TMEM196: variants seen among roughly 807,000 people sequenced by gnomAD.
TMEM196 encodes transmembrane protein 196.
TMEM196 carries 17 observed loss-of-function variants against 20.0 expected under a neutral mutation model. The observed-to-expected ratio is 0.85, with a 90% confidence interval of 0.58 to 1.27. The LOEUF (loss-of-function observed/expected upper bound fraction) is 1.27, where lower values mean the gene tolerates loss of function less well. Among genes scored for constraint, TMEM196 ranks in the 50% most tolerant of loss-of-function variants. The pLI, the probability that TMEM196 is intolerant of heterozygous loss-of-function variation, is 0.00. For synonymous variants in TMEM196, 113 were observed against 88.9 expected (o/e 1.27, Z -1.52); for missense variants, 267 against 223.0 (o/e 1.20, Z -1.26).
chr7:19,767,826 A>G (rs1187537786), intron 1 of TMEM196, among the ~76,000 whole-genome samples: 1 of 151,962 alleles, frequency 6.6e-6, no homozygotes, highest in East Asian at 1.9e-4. Flanking sequence ...AATTGTGTAC[A>G]TTTGCAGTAA....
chr7:19,741,298 T>C (rs1452649990), intron 1 of TMEM196, among the ~76,000 whole-genome samples: 3 of 152,176 alleles, frequency 2.0e-5, no homozygotes, highest in Non-Finnish European at 2.9e-5. Context: ...ATAGCCTCTC[T>C]GACAAAGCTG....
rs1189118893 is a variant in TMEM196, at chr7:19,719,799, T to C, written c.*2329A>G. On this transcript the variant is annotated 3_prime_UTR_variant, in exon 5 of 5. Coordinates refer to ENST00000405844, the MANE Select transcript of TMEM196 (RefSeq NM_001363562.2). ...AGAAATAATCATATTTAAAAATATATCTATACTTGGTTAAACATACACTGT... is the reference window on the plus strand; with the variant it reads ...AGAAATAATCATATTTAAAAATATACCTATACTTGGTTAAACATACACTGT... 1 of 152,138 alleles carries C rather than the reference T, an allele frequency of 6.6e-6. No homozygotes were observed. Among genetic ancestry groups the C allele is most frequent in the Admixed American group, 6.5e-5 (1 of 15,272 alleles). The allele number at this position is 152,138 out of a possible 1,614,324, so 9.4% of individuals were successfully genotyped here. A position where few individuals can be genotyped will look rare whatever the true frequency, so the allele number is the denominator to read the frequency against.
At chr7:19,743,142 A>C (rs1235766605) in intron 1 of TMEM196, among the ~76,000 whole-genome samples, 1 of 152,108 alleles carries the variant, frequency 6.6e-6, no homozygotes, top group Non-Finnish European at 1.5e-5. Context: ...CTGGTGGTAT[A>C]TCTGGGCTTT....
rs563466901 is a variant in TMEM196, at chr7:19,762,226, C to A, written c.147+10324G>T. On this transcript the variant is annotated intron_variant, in intron 1 of 4. Transcript: ENST00000405844. Reference sequence around the variant, plus strand: ...CATAGGCTCTTAAAACAAAAGAAAACCCGTCTCATAGATAGTAGTAAAAAA... The same window carrying A: ...CATAGGCTCTTAAAACAAAAGAAAAACCGTCTCATAGATAGTAGTAAAAAA... Among the ~76,000 whole-genome samples, 4 of 151,918 alleles carry A rather than the reference C, an allele frequency of 2.6e-5. No individual in the cohort carries two copies. The South Asian group carries it at 8.3e-4, about 32-fold the overall frequency.
At chr7:19,748,907 C>T (rs1784860288) in intron 1 of TMEM196, among the ~76,000 whole-genome samples, 1 of 151,990 alleles carries the variant, frequency 6.6e-6, no homozygotes, top group South Asian at 2.1e-4. Flanking sequence ...TGTTAGGTCA[C>T]AATAAAATGT....
At chr7:19,736,372 T>C (rs1384159068) in intron 1 of TMEM196, among the ~76,000 whole-genome samples, 7 of 43,064 alleles carry the variant, frequency 1.6e-4, no homozygotes, top group African/African-American at 7.7e-4. Flanking sequence ...TATATATATA[T>C]ATATATATAT....
chr7:19,740,705 C>T (rs1026592425), intron 1 of TMEM196, among the ~76,000 whole-genome samples: 2 of 151,934 alleles, frequency 1.3e-5, no homozygotes, highest in Non-Finnish European at 2.9e-5. Flanking sequence ...AGCGTTTTTT[C>T]AACCACAACC....
intron 1 of TMEM196, among the ~76,000 whole-genome samples, chr7:19,755,334 T>C (rs1785164826): frequency 6.6e-6 from 1 of 152,206 alleles, no homozygotes; most frequent in African/African-American, 2.4e-5. Context: ...TAAACCTTTA[T>C]CACTAACATG....
intron 1 of TMEM196, among the ~76,000 whole-genome samples, chr7:19,756,894 G>A (rs1449187610): frequency 6.6e-6 from 1 of 152,090 alleles, no homozygotes; most frequent in African/African-American, 2.4e-5. Flanking sequence ...GGTGAATAGT[G>A]TAAAGCACAT....
intron 2 of TMEM196, 99 bp downstream of exon 2, chr7:19,729,283 C>A: frequency 1.2e-6 from 1 of 804,518 alleles, no homozygotes. Context: ...CTCAAACTAG[C>A]AATATTCAGT....
chr7:19,743,382 T>A (rs1784642404), intron 1 of TMEM196, among the ~76,000 whole-genome samples: 1 of 152,184 alleles, frequency 6.6e-6, no homozygotes. Flanking sequence ...CTAGAGCAGT[T>A]GATTTGAGGC....
At chr7:19,741,758 C>A (rs1402695659) in intron 1 of TMEM196, among the ~76,000 whole-genome samples, 1 of 152,112 alleles carries the variant, frequency 6.6e-6, no homozygotes, top group Non-Finnish European at 1.5e-5. Context: ...AGTAATTTCC[C>A]AAACTAGAAA....
intron 1 of TMEM196, 32 bp from the exon 2 acceptor site, chr7:19,729,470 A>G (rs1202257747): frequency 6.5e-7 from 1 of 1,544,654 alleles, no homozygotes; most frequent in Admixed American, 2.0e-5. Context: ...ATTACTCCTT[A>G]TCCAAAGACA....
intron 1 of TMEM196, among the ~76,000 whole-genome samples, chr7:19,754,840 G>C (rs576611456): frequency 6.6e-6 from 1 of 152,240 alleles, no homozygotes; most frequent in Admixed American, 6.5e-5. Flanking sequence ...GACATTTTCT[G>C]ATCACGAATC....
rs868802660 is a variant in TMEM196 at position 19,747,038 on chromosome 7, G to A, written c.148-17600C>T. ...TGGGAGGCCGAGGCGGGCGGATCAC[G>A]AGGTCAGGAGATCGAGACCATCCCG... On this transcript the variant is annotated intron_variant, in intron 1 of 4. Coordinates refer to ENST00000405844, the MANE Select transcript of TMEM196 (RefSeq NM_001363562.2). Among the ~76,000 whole-genome samples, 187 of 152,098 alleles carry A rather than the reference G, an allele frequency of 1.2e-3. 1 individual carries two copies. The highest frequency in any genetic ancestry group is 4.2e-3 in the African/African-American group (174 of 41,494).
chr7:19,739,638 C>T (rs1008901599), intron 1 of TMEM196, among the ~76,000 whole-genome samples: 1 of 152,042 alleles, frequency 6.6e-6, no homozygotes, highest in Non-Finnish European at 1.5e-5. Context: ...TGTAAATGAA[C>T]TCCTAAAAAC....
intron 1 of TMEM196, among the ~76,000 whole-genome samples, chr7:19,747,482 C>T (rs1247979012): frequency 6.6e-6 from 1 of 152,078 alleles, no homozygotes; most frequent in East Asian, 1.9e-4. Context: ...TTATCAAGCA[C>T]TTGCTAGGTA....
intron 1 of TMEM196, among the ~76,000 whole-genome samples, chr7:19,740,270 C>T (rs1413915787): frequency 6.6e-6 from 1 of 151,990 alleles, no homozygotes; most frequent in Admixed American, 6.6e-5. Context: ...TAATATACTA[C>T]CTTTTGTGTA....
chr7:19,768,429 T>C (rs187585253), intron 1 of TMEM196, among the ~76,000 whole-genome samples: 7 of 152,232 alleles, frequency 4.6e-5, no homozygotes, highest in Non-Finnish European at 1.0e-4. Flanking sequence ...TTCTCAGGGA[T>C]TTATAAATCT....
Sources: gnomAD v4.1 joint callset for allele counts (sites outside exome capture counted in the v4.1 genomes callset) on GRCh38, gnomAD v4.1.1 for gene constraint, MANE v1.5 for transcripts, NCBI Gene and HGNC (gene_info 2026-07-23, HGNC 2026-07-21) for gene names.